XYLT1: variants seen among roughly 807,000 people sequenced by gnomAD.
The protein encoded by XYLT1 is xylosyltransferase 1.
A neutral mutation model predicts 91.3 loss-of-function variants in XYLT1; 36 were observed. The ratio of observed to expected loss-of-function variants is 0.39; its 90% CI spans 0.30 to 0.52. The LOEUF (loss-of-function observed/expected upper bound fraction) is 0.52. Ranked by LOEUF, XYLT1 falls within the 20% of genes least tolerant of loss-of-function variation. The probability of loss-of-function intolerance (pLI) is 0.68; values close to 1 mark genes in which losing one functional copy is unlikely to be tolerated. For synonymous variants in XYLT1, 588 were observed against 532.0 expected (o/e 1.11, Z -1.45); for missense variants, 1,242 against 1,284.5 (o/e 0.97, Z 0.51).
rs1253335250 is a variant in XYLT1, at chr16:17,106,242, C to T, written c.*2453G>A. 1.3e-5 allele frequency: 2 copies of T among 152,238 alleles called. No individual in the cohort carries two copies. Among genetic ancestry groups the T allele is most frequent in the Non-Finnish European group, 2.9e-5 (2 of 68,064 alleles). The allele number at this position is 152,238 out of a possible 1,614,324, so 9.4% of individuals were successfully genotyped here. ...CTTGCCACTGCTGAGTCCCCAAAGC[C>T]ACTGCAAATAACGCTGCGAACACAA... On this transcript the variant is annotated 3_prime_UTR_variant, in exon 12 of 12. Transcript: ENST00000261381.
intron 2 of XYLT1, among the ~76,000 whole-genome samples, chr16:17,340,039 G>A (rs1256978653): frequency 2.0e-5 from 3 of 150,144 alleles, no homozygotes; most frequent in Middle Eastern, 3.2e-3. Context: ...CCACCCATTC[G>A]TCCACCCATC....
At chr16:17,253,659 C>T (rs1596449969) in intron 3 of XYLT1, among the ~76,000 whole-genome samples, 2 of 152,212 alleles carry the variant, frequency 1.3e-5, no homozygotes, top group East Asian at 3.9e-4. Flanking sequence ...GAAACTGAGG[C>T]ACAGAGAGGT....
At chr16:17,277,788 T>C (rs770229957) in intron 2 of XYLT1, among the ~76,000 whole-genome samples, 1 of 152,160 alleles carries the variant, frequency 6.6e-6, no homozygotes, top group Non-Finnish European at 1.5e-5. Flanking sequence ...CGTCATTAAT[T>C]TGCTTAGGAT....
intron 1 of XYLT1, among the ~76,000 whole-genome samples, chr16:17,389,652 C>A (rs1225200213): frequency 6.6e-6 from 1 of 152,140 alleles, no homozygotes; most frequent in Non-Finnish European, 1.5e-5. Flanking sequence ...GGTCTTCAGC[C>A]TAAAACACAT....
intron 1 of XYLT1, among the ~76,000 whole-genome samples, chr16:17,389,426 T>G (rs187171943): frequency 4.1e-4 from 62 of 152,298 alleles, no homozygotes; most frequent in Non-Finnish European, 8.1e-4. Flanking sequence ...TTTTGTTTAA[T>G]TATGGTTTAT....
intron 1 of XYLT1, among the ~76,000 whole-genome samples, chr16:17,469,714 C>A (rs2036953256): frequency 6.6e-6 from 1 of 152,176 alleles, no homozygotes; most frequent in Non-Finnish European, 1.5e-5. Context: ...CCGGCCGCAA[C>A]AAGACAGAAA....
chr16:17,365,801 G>T (rs1296139317), intron 1 of XYLT1, among the ~76,000 whole-genome samples: 1 of 151,996 alleles, frequency 6.6e-6, no homozygotes, highest in Admixed American at 6.6e-5. Context: ...GGAAACTTGG[G>T]AATTATCTTA....
intron 5 of XYLT1, among the ~76,000 whole-genome samples, chr16:17,190,899 C>G (rs1385596338): frequency 6.6e-6 from 1 of 152,102 alleles, no homozygotes; most frequent in African/African-American, 2.4e-5. Context: ...TGGCTGTAGC[C>G]TTGGGGTCAA....
At chr16:17,318,514 C>G (rs112240903) in intron 2 of XYLT1, among the ~76,000 whole-genome samples, 1 of 152,236 alleles carries the variant, frequency 6.6e-6, no homozygotes, top group African/African-American at 2.4e-5. Flanking sequence ...GCTTGGTTCT[C>G]CAACCAGCTA....
At chr16:17,357,172 CAAAAAAAAAAAAAA>C (rs1168668915) in intron 2 of XYLT1, among the ~76,000 whole-genome samples, 2 of 41,644 alleles carry the variant, frequency 4.8e-5, no homozygotes, top group East Asian at 5.6e-3. Context: ...GACTCGGTCT[CAAAAAAAAAAAAAA>C]AAAAAAAAAA....
chr16:17,142,059 A>G (rs1221930206), intron 6 of XYLT1, among the ~76,000 whole-genome samples: 1 of 152,004 alleles, frequency 6.6e-6, no homozygotes, highest in African/African-American at 2.4e-5. Flanking sequence ...ATGCATCACC[A>G]TGTTTGGCTG....
chr16:17,399,062 C>A (rs1259446397), intron 1 of XYLT1, among the ~76,000 whole-genome samples: 1 of 152,050 alleles, frequency 6.6e-6, no homozygotes, highest in Non-Finnish European at 1.5e-5. Context: ...CTTAGGGACC[C>A]CCCCGCTTCT....
chr16:17,450,862 C>T (rs1373201736), intron 1 of XYLT1, among the ~76,000 whole-genome samples: 1 of 152,200 alleles, frequency 6.6e-6, no homozygotes, highest in Non-Finnish European at 1.5e-5. Flanking sequence ...AAGACACCAC[C>T]ACCCTCAAAA....
At chr16:17,273,596 C>G (rs1376976864) in intron 2 of XYLT1, among the ~76,000 whole-genome samples, 4 of 152,168 alleles carry the variant, frequency 2.6e-5, no homozygotes, top group Non-Finnish European at 5.9e-5. Flanking sequence ...GTAATCCCAG[C>G]ACTTTGGAAG....
At chr16:17,133,643 T>C (rs1326485566) in intron 9 of XYLT1, among the ~76,000 whole-genome samples, 1 of 152,180 alleles carries the variant, frequency 6.6e-6, no homozygotes, top group Non-Finnish European at 1.5e-5. Context: ...TTGTTGCAAT[T>C]ATGTAAATAT....
At chr16:17,359,076 T>C (rs946634306) in intron 1 of XYLT1, among the ~76,000 whole-genome samples, 1 of 152,074 alleles carries the variant, frequency 6.6e-6, no homozygotes, top group Non-Finnish European at 1.5e-5. Flanking sequence ...TGGTGTCCAG[T>C]GAGTGGTTTC....
chr16:17,375,483 C>CACACACACACACACACAA (rs1446297839), intron 1 of XYLT1, among the ~76,000 whole-genome samples: 1 of 149,368 alleles, frequency 6.7e-6, no homozygotes, highest in Non-Finnish European at 1.5e-5. Context: ...ACATTTAAAA[C>CACACACACACACACACAA]ACACACACAC....
chr16:17,356,166 T>C (rs1037421147), intron 2 of XYLT1, among the ~76,000 whole-genome samples: 9 of 152,078 alleles, frequency 5.9e-5, no homozygotes, highest in African/African-American at 2.2e-4. Context: ...AAATAACCAC[T>C]GGGAATCAAA....
At position 17,312,334 on chromosome 16, in the gene XYLT1, T is replaced by C. The variant is rs2034563732; in HGVS notation, c.402+45678A>G. Among the ~76,000 whole-genome samples, 2 of 152,282 alleles carry C rather than the reference T, an allele frequency of 1.3e-5. No individual in the cohort carries two copies. The highest frequency in any genetic ancestry group is 2.9e-5 in the Non-Finnish European group (2 of 68,020). Reference sequence around the variant, plus strand: ...GTTACCTGTAAGATCCCTGCTGGCATAGTACTGTGAAGGACTCAATGAAAC... The same window carrying C: ...GTTACCTGTAAGATCCCTGCTGGCACAGTACTGTGAAGGACTCAATGAAAC... On this transcript the variant is annotated intron_variant, in intron 2 of 11. Transcript: ENST00000261381. This position sits in a 1 kb window ranked among gnomAD's most constrained non-coding sequence, Gnocchi z 4.4.
Sources: gnomAD v4.1 joint callset for allele counts (sites outside exome capture counted in the v4.1 genomes callset) on GRCh38, gnomAD v4.1.1 for gene constraint, Gnocchi (gnomAD v3.1) non-coding constraint, MANE v1.5 for transcripts, NCBI Gene and HGNC (gene_info 2026-07-23, HGNC 2026-07-21) for gene names.